Variants in MARCHF6 observed in about 807,000 individuals in gnomAD.
MARCHF6 encodes the protein E3 ubiquitin-protein ligase MARCHF6.
Under a neutral mutation model 133.7 loss-of-function variants are expected in MARCHF6, and 31 were observed. The ratio of observed to expected loss-of-function variants is 0.23; its 90% confidence interval spans 0.17 to 0.31. The LOEUF (loss-of-function observed/expected upper bound fraction) is 0.31, where lower values mean the gene tolerates loss of function less well. Ranked by LOEUF, MARCHF6 falls within the 10% of genes least tolerant of loss-of-function variation. MARCHF6 has a pLI of 1.00. For missense variants in MARCHF6, 723 were observed against 1,121.6 expected (o/e 0.64, Z 5.08); for synonymous variants, 395 against 402.5 (o/e 0.98, Z 0.22).
Position 10,432,847 on chromosome 5 carries a change from C to A in MARCHF6, c.2643-747C>A, listed in dbSNP as rs944061835. Among the ~76,000 whole-genome samples, 25 of 151,886 alleles carry A rather than the reference C, an allele frequency of 1.6e-4. No homozygotes were observed. The South Asian group carries it at 4.8e-3, about 29-fold the overall frequency. On this transcript the variant is annotated intron_variant, in intron 25 of 25. Transcript: ENST00000274140. ...TTCACTGAAATTTCTCCTTTGATTT[C>A]TCCTTTCTTCTCTGTAACTAGAACT...
At position 10,434,750 on chromosome 5, in the gene MARCHF6, A is replaced by G. The variant is rs1040014725; in HGVS notation, c.*1066A>G. The G allele has an allele frequency of 3.3e-5, 5 of 152,588 alleles. No homozygotes were observed. The highest frequency in any genetic ancestry group is 1.2e-4 in the African/African-American group (5 of 41,424). 9.5% of individuals were successfully genotyped at this position (152,588 alleles called of 1,614,324 possible). ...CTCGTTGGCTGAGGACTAGGTGTGCATTTCTCCTAGCTTTTCATCAGGAAA... is the reference window on the plus strand; with the variant it reads ...CTCGTTGGCTGAGGACTAGGTGTGCGTTTCTCCTAGCTTTTCATCAGGAAA... On this transcript the variant is annotated 3_prime_UTR_variant, in exon 26 of 26. Coordinates refer to ENST00000274140, the MANE Select transcript of MARCHF6 (RefSeq NM_005885.4).
intron 1 of MARCHF6, among the ~76,000 whole-genome samples, chr5:10,375,945 TCTAA>T (rs1404595637): frequency 6.6e-6 from 1 of 152,034 alleles, no homozygotes; most frequent in African/African-American, 2.4e-5. Context: ...ATACTCTGTA[TCTAA>T]CTAATCTGAT....
intron 21 of MARCHF6, among the ~76,000 whole-genome samples, chr5:10,416,283 T>TA (rs1739509961): frequency 6.6e-6 from 1 of 152,246 alleles, no homozygotes; most frequent in African/African-American, 2.4e-5. Context: ...GGTTACTGCT[T>TA]ACACCTTTTC....
rs1740536647 is a variant in MARCHF6, at chr5:10,435,026, T to C, written c.*1342T>C. Reference sequence around the variant, plus strand: ...TGATCTAAATGTTTAATGCTAAAGGTATATCGTAAGGGTAGTGTTTGTTTT... The same window carrying C: ...TGATCTAAATGTTTAATGCTAAAGGCATATCGTAAGGGTAGTGTTTGTTTT... On this transcript the variant is annotated 3_prime_UTR_variant, in exon 26 of 26. Transcript: ENST00000274140. The C allele has an allele frequency of 6.6e-6, 1 of 152,632 alleles. No individual in the cohort carries two copies. The highest frequency in any genetic ancestry group is 2.4e-5 in the African/African-American group (1 of 41,440). The allele number at this position is 152,632 out of a possible 1,614,324, so 9.5% of individuals were successfully genotyped here.
intron 3 of MARCHF6, among the ~76,000 whole-genome samples, chr5:10,380,470 A>G (rs1042232171): frequency 5.3e-5 from 8 of 152,198 alleles, no homozygotes; most frequent in Admixed American, 1.3e-4. Context: ...TTTGAGGCCA[A>G]TAGAAGCTTG....
intron 3 of MARCHF6, among the ~76,000 whole-genome samples, chr5:10,379,626 A>G (rs1737009024): frequency 1.3e-5 from 2 of 152,012 alleles, no homozygotes; most frequent in African/African-American, 4.8e-5. Context: ...ACACCTGGCT[A>G]ATTTTTTTGT....
rs1740616564 is a variant in MARCHF6, at chr5:10,435,683, ATATATATATATATATT to A, written c.*2001_*2016del. 1 of 5,702 alleles carries A rather than the reference ATATATATATATATATT, an allele frequency of 1.8e-4. No individual in the cohort carries two copies. The highest frequency in any genetic ancestry group is 1.2e-3 in the African/African-American group (1 of 816). The allele number at this position is 5,702 out of a possible 1,614,324, so 0.4% of individuals were successfully genotyped here. ...TATATATATATATATATATATATAT[ATATATATATATATATT>A]TTTTTTTTTTTTTTTTTTTTTTTTT... On this transcript the variant is annotated 3_prime_UTR_variant, in exon 26 of 26. Transcript: ENST00000274140.
At chr5:10,430,285 GT>G (rs796935380) in intron 25 of MARCHF6, among the ~76,000 whole-genome samples, 107 of 133,410 alleles carry the variant, frequency 8.0e-4, no homozygotes, top group Middle Eastern at 3.8e-3. Flanking sequence ...GGAGAGGGAG[GT>G]TTTTTTTTTT....
At chr5:10,407,963 C>G (rs917908416) in intron 17 of MARCHF6, among the ~76,000 whole-genome samples, 43 of 143,178 alleles carry the variant, frequency 3.0e-4, no homozygotes, top group Non-Finnish European at 4.6e-4. Context: ...TCCCCCCCCC[C>G]CCAAAAAAAA....
chr5:10,378,874 C>A, intron 3 of MARCHF6, 42 bp downstream of exon 3: 1 of 1,332,342 alleles, frequency 7.5e-7, no homozygotes, highest in South Asian at 1.2e-5. Flanking sequence ...TTTTGGTTAT[C>A]ACTCGTGGCA....
chr5:10,384,922 A>G (rs767164418), intron 4 of MARCHF6, among the ~76,000 whole-genome samples: 2 of 152,218 alleles, frequency 1.3e-5, no homozygotes, highest in Non-Finnish European at 2.9e-5. Context: ...AGTTTTATTA[A>G]TAGTACTTAA....
In MARCHF6 at chr5:10,403,486, T is replaced by C; in HGVS notation, c.1277T>C (p.Leu426Pro). Residue 426 changes from leucine (L) to proline (P), a missense_variant, in exon 15 of 26, where the codon CTA (leucine) becomes CCA (proline). Leu to Pro is a moderately conservative substitution (Grantham distance 98, BLOSUM62 -3). Coordinates refer to ENST00000274140, the MANE Select transcript of MARCHF6 (RefSeq NM_005885.4). ...APGTTMFLHW[L>P]VGMVYVFYFA... is the part of the protein sequence containing the mutation. Reference sequence around the variant, plus strand: ...GGTACTACCATGTTTCTGCATTGGCTAGTGGGAATGGTATATGTCTTCTAC... The same window carrying C: ...GGTACTACCATGTTTCTGCATTGGCCAGTGGGAATGGTATATGTCTTCTAC... 1 of 1,613,912 alleles carries C rather than the reference T, an allele frequency of 6.2e-7. No homozygotes were observed. Among genetic ancestry groups the C allele is most frequent in the Non-Finnish European group, 8.5e-7 (1 of 1,179,820 alleles).
intron 15 of MARCHF6, among the ~76,000 whole-genome samples, chr5:10,404,068 TTTATTTATTTAC>T (rs1277776235): frequency 2.9e-5 from 4 of 139,254 alleles, no homozygotes; most frequent in East Asian, 2.0e-4. Context: ...TATTTATTTA[TTTATTTATTTAC>T]TTATTTACTT....
intron 25 of MARCHF6, among the ~76,000 whole-genome samples, chr5:10,432,880 T>C (rs1366972024): frequency 6.6e-6 from 1 of 152,066 alleles, no homozygotes; most frequent in East Asian, 1.9e-4. Context: ...ACTTCCAGTT[T>C]TACTTTCATC....
At chr5:10,418,751 A>G (rs1739673340) in intron 22 of MARCHF6, among the ~76,000 whole-genome samples, 2 of 152,278 alleles carry the variant, frequency 1.3e-5, no homozygotes, top group Admixed American at 6.5e-5. Context: ...CACACCCTGG[A>G]TTGTATCACC....
At chr5:10,377,392 T>G (rs1736855415) in intron 1 of MARCHF6, among the ~76,000 whole-genome samples, 1 of 152,228 alleles carries the variant, frequency 6.6e-6, no homozygotes, top group African/African-American at 2.4e-5. Flanking sequence ...ACATGTGTTT[T>G]GTGGAGTTTA....
At chr5:10,386,524 A>T (rs558493158) in intron 4 of MARCHF6, among the ~76,000 whole-genome samples, 30 of 152,344 alleles carry the variant, frequency 2.0e-4, no homozygotes, top group Admixed American at 1.2e-3. Context: ...TGCTTTTAAA[A>T]TATTGGTTGT....
At chr5:10,371,449 A>T (rs1232896306) in intron 1 of MARCHF6, among the ~76,000 whole-genome samples, 2 of 152,230 alleles carry the variant, frequency 1.3e-5, no homozygotes, top group Admixed American at 6.5e-5. Flanking sequence ...GGGAAGCCTC[A>T]CAATCATGGT....
intron 21 of MARCHF6, among the ~76,000 whole-genome samples, chr5:10,416,855 C>T (rs1233691414): frequency 6.6e-6 from 1 of 152,186 alleles, no homozygotes; most frequent in Admixed American, 6.5e-5. Flanking sequence ...ATGGTAAGTT[C>T]TATTGGACCA....
Sources: allele counts gnomAD v4.1 joint callset (sites outside exome capture counted in the v4.1 genomes callset), GRCh38; gene constraint gnomAD v4.1.1; transcripts MANE v1.5; gene names NCBI Gene and HGNC (gene_info 2026-07-23, HGNC 2026-07-21).